COMMD10: variants seen among roughly 807,000 people sequenced by gnomAD.
COMMD10 encodes COMM domain-containing protein 10.
In COMMD10, 33 loss-of-function variants were observed where a neutral mutation model predicts 28.9. That is an observed-to-expected ratio of 1.14 (90% confidence interval 0.87 to 1.53). The LOEUF (loss-of-function observed/expected upper bound fraction) is 1.53, where lower values mean the gene tolerates loss of function less well. COMMD10 is among the 40% of genes most tolerant of loss of function. The pLI is 0.00. For missense variants in COMMD10, 310 were observed against 233.4 expected (o/e 1.33, Z -2.14); for synonymous variants, 110 against 81.7 (o/e 1.35, Z -1.87).
At chr5:116,119,293 G>T (rs1420205356) in intron 4 of COMMD10, among the ~76,000 whole-genome samples, 2 of 152,182 alleles carry the variant, frequency 1.3e-5, no homozygotes, top group East Asian at 1.9e-4. Flanking sequence ...GAGGGTATTG[G>T]TTAGGGAATA....
intron 4 of COMMD10, among the ~76,000 whole-genome samples, chr5:116,104,820 T>C (rs1445335637): frequency 2.6e-5 from 4 of 152,096 alleles, no homozygotes; most frequent in African/African-American, 9.7e-5. Flanking sequence ...GGGGTTTCAC[T>C]GTCTTAGCCA....
intron 5 of COMMD10, among the ~76,000 whole-genome samples, chr5:116,208,754 G>A (rs1032573569): frequency 6.6e-6 from 1 of 152,140 alleles, no homozygotes; most frequent in African/African-American, 2.4e-5. Flanking sequence ...AGAACAAACA[G>A]GGAAGTCTGA....
chr5:116,131,052 G>T (rs1346661051), intron 4 of COMMD10, among the ~76,000 whole-genome samples: 1 of 151,896 alleles, frequency 6.6e-6, no homozygotes, highest in Non-Finnish European at 1.5e-5. Flanking sequence ...GTTGGGGAAA[G>T]AATATACTGA....
chr5:116,126,164 C>G (rs1447301904), intron 4 of COMMD10, among the ~76,000 whole-genome samples: 1 of 152,140 alleles, frequency 6.6e-6, no homozygotes, highest in African/African-American at 2.4e-5. Context: ...CGAGTGAACT[C>G]CCATTCACAA....
chr5:116,191,116 G>A (rs1400301348), intron 5 of COMMD10, among the ~76,000 whole-genome samples: 1 of 152,122 alleles, frequency 6.6e-6, no homozygotes, highest in Non-Finnish European at 1.5e-5. Context: ...TTTCAGAGGG[G>A]TAGAGGAAGC....
chr5:116,211,689 A>G (rs186323881), intron 5 of COMMD10, among the ~76,000 whole-genome samples: 9 of 152,276 alleles, frequency 5.9e-5, no homozygotes, highest in African/African-American at 2.2e-4. Flanking sequence ...TCTCAAATAT[A>G]TGGAGTATTT....
chr5:116,197,144 T>G (rs1026435645), intron 5 of COMMD10, among the ~76,000 whole-genome samples: 2 of 152,140 alleles, frequency 1.3e-5, no homozygotes, highest in African/African-American at 2.4e-5. Flanking sequence ...CCTCATCAAA[T>G]TTTGCATAGC....
In COMMD10 at chr5:116,262,995, A is replaced by G. The variant is rs554422047; in HGVS notation, c.511-28522A>G. Among the ~76,000 whole-genome samples the G allele has an allele frequency of 7.6e-4, 115 of 151,938 alleles. 1 individual carries two copies. Among genetic ancestry groups the G allele is most frequent in the African/African-American group, 2.7e-3 (110 of 41,314 alleles). On this transcript the variant is annotated intron_variant, in intron 5 of 6. Transcript: ENST00000274458. ...AAAGGGAAAACATGAAATTGTTTGA[A>G]ATTGGTTTATATTGGTTGTCATGCT...
chr5:116,215,233 A>G (rs1278752500), intron 5 of COMMD10, among the ~76,000 whole-genome samples: 1 of 152,094 alleles, frequency 6.6e-6, no homozygotes, highest in African/African-American at 2.4e-5. Context: ...GGAATATAAG[A>G]AAAAGAAATG....
At chr5:116,095,645 AT>A (rs1318032971) in intron 4 of COMMD10, among the ~76,000 whole-genome samples, 41 of 149,064 alleles carry the variant, frequency 2.8e-4, no homozygotes, top group Admixed American at 2.3e-3. Context: ...AATCTGTTGT[AT>A]TTTTTTTTTC....
chr5:116,108,184 G>T (rs1750906655), intron 4 of COMMD10, among the ~76,000 whole-genome samples: 1 of 152,200 alleles, frequency 6.6e-6, no homozygotes, highest in African/African-American at 2.4e-5. Flanking sequence ...TCTGTCACTG[G>T]ATCAGAGCTT....
intron 4 of COMMD10, among the ~76,000 whole-genome samples, chr5:116,116,608 G>C (rs569031147): frequency 6.6e-6 from 1 of 151,972 alleles, no homozygotes; most frequent in African/African-American, 2.4e-5. Context: ...TTTTCTGTAT[G>C]CTTAAATTCA....
chr5:116,288,488 A>G (rs1215934033), intron 5 of COMMD10, among the ~76,000 whole-genome samples: 1 of 151,838 alleles, frequency 6.6e-6, no homozygotes, highest in African/African-American at 2.4e-5. Flanking sequence ...TTCTGTCCAC[A>G]GATTGGGGAA....
At chr5:116,178,447 C>G (rs1282434727) in intron 5 of COMMD10, among the ~76,000 whole-genome samples, 2 of 152,032 alleles carry the variant, frequency 1.3e-5, no homozygotes, top group Non-Finnish European at 2.9e-5. Flanking sequence ...TATAAAGTTA[C>G]TATCAAATTA....
intron 5 of COMMD10, among the ~76,000 whole-genome samples, chr5:116,159,176 A>G (rs1351770281): frequency 6.6e-6 from 1 of 152,288 alleles, no homozygotes; most frequent in East Asian, 1.9e-4. Flanking sequence ...CTTATAACTC[A>G]AAGTGAAACC....
chr5:116,113,081 A>G (rs933080042), intron 4 of COMMD10, among the ~76,000 whole-genome samples: 3 of 152,178 alleles, frequency 2.0e-5, no homozygotes, highest in Non-Finnish European at 2.9e-5. Context: ...GAAGCTTAAT[A>G]CTACCTGGAT....
At chr5:116,204,646 A>T (rs550320049) in intron 5 of COMMD10, among the ~76,000 whole-genome samples, 1 of 152,304 alleles carries the variant, frequency 6.6e-6, no homozygotes, top group Admixed American at 6.5e-5. Context: ...CAATAATAAG[A>T]TGCAAATAAA....
At chr5:116,155,949 T>C (rs1752693244) in intron 5 of COMMD10, among the ~76,000 whole-genome samples, 1 of 152,080 alleles carries the variant, frequency 6.6e-6, no homozygotes, top group South Asian at 2.1e-4. Context: ...GGTCCTACAA[T>C]TTTTGAGAAG....
chr5:116,180,186 A>G (rs1312605225), intron 5 of COMMD10, among the ~76,000 whole-genome samples: 1 of 152,060 alleles, frequency 6.6e-6, no homozygotes, highest in Non-Finnish European at 1.5e-5. Flanking sequence ...CGCTTGGGTT[A>G]CCTCTGTACA....
Sources: gnomAD v4.1 joint callset for allele counts (sites outside exome capture counted in the v4.1 genomes callset) on GRCh38, gnomAD v4.1.1 for gene constraint, MANE v1.5 for transcripts, NCBI Gene and HGNC (gene_info 2026-07-23, HGNC 2026-07-21) for gene names.